MVK: variants seen among roughly 807,000 people sequenced by gnomAD.
The protein encoded by MVK is mevalonate kinase, also known as LH receptor mRNA-binding protein.
MVK carries 34 observed loss-of-function variants against 43.2 expected under a neutral mutation model. The ratio of observed to expected loss-of-function variants is 0.79; its 90% CI spans 0.60 to 1.05. The LOEUF (loss-of-function observed/expected upper bound fraction) is 1.05. Ranked by LOEUF, MVK falls within the 50% of genes least tolerant of loss-of-function variation. MVK has a pLI of 0.00. For missense variants in MVK, 395 were observed against 504.0 expected, an observed-to-expected ratio of 0.78 and a Z score of 2.07; for synonymous variants, 190 against 219.8, an observed-to-expected ratio of 0.86 and a Z score of 1.20.
chr12:109,594,491 C>T (rs1566152537), intron 9 of MVK, among the ~76,000 whole-genome samples: 2 of 152,178 alleles, frequency 1.3e-5, no homozygotes, highest in Admixed American at 6.5e-5. Context: ...CCATTTCAAC[C>T]AGACTTTTGT....
In MVK at chr12:109,596,511, C is replaced by G; in HGVS notation, c.1125C>G (p.Pro375=). 2 of 1,613,052 alleles carry G rather than the reference C, an allele frequency of 1.2e-6. No individual in the cohort carries two copies. Among genetic ancestry groups the G allele is most frequent in the Non-Finnish European group, 8.5e-7 (1 of 1,179,932 alleles). ...FDCLETSIGA[P]GVSIHSATSL... ...GCTTGGAAACCAGCATCGGTGCCCC[C>G]GGCGTCTCCATCCACTCAGCCACCT... The change falls in exon 11 of 11, where the codon CCC becomes CCG. Residue 375 remains proline (P), a synonymous_variant. Coordinates refer to ENST00000228510, the MANE Select transcript of MVK (RefSeq NM_000431.4).
chr12:109,577,088 G>T (rs1388341828), intron 3 of MVK, among the ~76,000 whole-genome samples: 1 of 152,120 alleles, frequency 6.6e-6, no homozygotes, highest in Non-Finnish European at 1.5e-5. Context: ...AGATATCTTG[G>T]TTTTTTAACC....
intron 3 of MVK, chr12:109,579,036 T>G (rs77466618): frequency 1.4e-4 from 40 of 289,960 alleles, no homozygotes; most frequent in African/African-American, 9.1e-4. Flanking sequence ...CTTTTGATTT[T>G]GGTTTTATAC....
intron 4 of MVK, among the ~76,000 whole-genome samples, chr12:109,580,945 T>C (rs372515986): frequency 6.6e-6 from 1 of 151,804 alleles, no homozygotes; most frequent in African/African-American, 2.4e-5. Flanking sequence ...AGGAGGGTCT[T>C]TGTGGGCAGC....
At position 109,586,761 on chromosome 12, in the gene MVK, C is replaced by T; in HGVS notation, c.639C>T (p.Ala213=). 1 of 1,614,146 alleles carries T rather than the reference C, an allele frequency of 6.2e-7. No homozygotes were observed. The highest frequency in any genetic ancestry group is 1.1e-5 in the South Asian group (1 of 91,072). Residue 213 remains alanine, a synonymous_variant, in exon 7 of 11, where the codon GCC becomes GCT. Coordinates refer to ENST00000228510, the MANE Select transcript of MVK (RefSeq NM_000431.4). The part of the protein sequence containing the change: ...VDNAVSTWGG[A]LRYHQGKISS... ...ACTGGTTTTTCTCTTTAGGAGGAGC[C>T]CTCCGATACCATCAAGGGAAGATTT...
chr12:109,575,936 G>A lies in MVK; in HGVS notation c.79-62G>A, dbSNP rs104895344. The A allele has an allele frequency of 2.6e-4, 418 of 1,597,460 alleles. No homozygotes were observed. The East Asian group carries it at 4.4e-3, about 17-fold the overall frequency. On this transcript the variant is annotated intron_variant, in intron 2 of 10. Transcript: ENST00000228510. ...CTTATGTTTGCTCTCTTCTTAGCAC[G>A]TGGGTCCTGGCCCCTTTGCCACTCA...
chr12:109,579,839 G>A lies in MVK; in HGVS notation c.264G>A (p.Val88=), dbSNP rs1885131923. Residue 88 remains valine, a synonymous_variant, in exon 4 of 11, where the codon GTG becomes GTA. Transcript: ENST00000228510. ...GDVTTPTSEQ[V]EKLKEVAGLP... ...TCACAACACCCACCTCAGAGCAAGT[G>A]GAGAAGCTAAAGGAGGTTGCAGGCT... The A allele has an allele frequency of 5.0e-6, 8 of 1,614,256 alleles. No homozygotes were observed. Among genetic ancestry groups the A allele is most frequent in the Non-Finnish European group, 6.8e-6 (8 of 1,180,052 alleles).
At chr12:109,586,349 A>G (rs1593022129) in intron 6 of MVK, among the ~76,000 whole-genome samples, 1 of 152,172 alleles carries the variant, frequency 6.6e-6, no homozygotes, top group African/African-American at 2.4e-5. Flanking sequence ...GGGAAGCTGC[A>G]GCTTCCACGA....
At position 109,585,796 on chromosome 12, in the gene MVK, C is replaced by T. The variant is rs141842576; in HGVS notation, c.528-226C>T. Among the ~76,000 whole-genome samples, 924 of 152,206 alleles carry T rather than the reference C, an allele frequency of 6.1e-3. 19 individuals carry two copies. The highest frequency in any genetic ancestry group is 0.021 in the African/African-American group (884 of 41,544). On this transcript the variant is annotated intron_variant, in intron 5 of 10. Coordinates refer to ENST00000228510, the MANE Select transcript of MVK (RefSeq NM_000431.4). ...AAAAAAAAGAGGCAAAGTAGGACCA[C>T]GGGAGTCCAAAGCCCAGGCTGTTTT...
intron 7 of MVK, 102 bp downstream of exon 7, chr12:109,586,901 C>T (rs1885459464): frequency 7.0e-7 from 1 of 1,431,316 alleles, no homozygotes. Flanking sequence ...GCAGGTGTCC[C>T]TGGCTCTTCA....
chr12:109,574,124 G>A (rs1884805569), intron 1 of MVK, among the ~76,000 whole-genome samples: 1 of 152,210 alleles, frequency 6.6e-6, no homozygotes, highest in African/African-American at 2.4e-5. Context: ...GAATCTTAGC[G>A]TAAGGTAATC....
chr12:109,574,156 G>A (rs987015404), intron 1 of MVK, among the ~76,000 whole-genome samples: 11 of 152,200 alleles, frequency 7.2e-5, no homozygotes, highest in Non-Finnish European at 1.0e-4. Flanking sequence ...TTAAGCGGAG[G>A]ATAATTTTGC....
upstream of MVK, chr12:109,573,532 CG>C: frequency 6.4e-7 from 1 of 1,559,978 alleles, no homozygotes; most frequent in South Asian, 1.2e-5. Flanking sequence ...GTCCAGTCCG[CG>C]GGGTGACTCC....
At chr12:109,587,167 TAC>T (rs370058459) in intron 7 of MVK, 27 of 310,088 alleles carry the variant, frequency 8.7e-5, no homozygotes, top group African/African-American at 5.8e-4. Context: ...GAAGCTTGGG[TAC>T]AGTTTCCAAG....
upstream of MVK, chr12:109,573,342 C>A (rs754533701): frequency 6.2e-7 from 1 of 1,613,296 alleles, no homozygotes; most frequent in Admixed American, 1.7e-5. Flanking sequence ...CCGCCAGCCA[C>A]TCACCTGTCC....
intron 5 of MVK, 64 bp from the exon 6 acceptor site, chr12:109,585,958 C>T (rs1179979061): frequency 5.8e-6 from 8 of 1,373,688 alleles, no homozygotes; most frequent in Non-Finnish European, 8.3e-6. Context: ...AGCACAGCCC[C>T]AGGTGACCCC....
At chr12:109,578,000 C>T (rs1885038667) in intron 3 of MVK, among the ~76,000 whole-genome samples, 1 of 152,162 alleles carries the variant, frequency 6.6e-6, no homozygotes. Context: ...ATGTCTCAGA[C>T]CACTCCAACT....
chr12:109,595,282 T>C lies in MVK; in HGVS notation c.1039+101T>C. On this transcript the variant is annotated intron_variant, in intron 10 of 10. Transcript: ENST00000228510. This position sits in a 1 kb window ranked among gnomAD's most constrained non-coding sequence, Gnocchi z 5.9. ...GGAAAAAGAGACCTGGAAACAGGTC[T>C]CAGCTCCGCTGTGTGGCCTTGGGCA... 1 of 1,480,850 alleles carries C rather than the reference T, an allele frequency of 6.8e-7. No homozygotes were observed. The highest frequency in any genetic ancestry group is 2.3e-5 in the East Asian group (1 of 43,380). 91.7% of individuals were successfully genotyped at this position (1,480,850 alleles called of 1,614,324 possible). A position where few individuals can be genotyped will look rare whatever the true frequency, so the allele number is the denominator to read the frequency against.
Position 109,591,223 on chromosome 12 carries a change from C to T in MVK, c.769-18C>T. On this transcript the variant is annotated intron_variant, in intron 8 of 10. Transcript: ENST00000228510. ...CTGCCCCCAGGCCTCACCAGCCGTT[C>T]CTTCTTTTTTTCTCCAGTTCCCAGA... The T allele has an allele frequency of 1.2e-6, 2 of 1,609,956 alleles. No homozygotes were observed. The highest frequency in any genetic ancestry group is 1.7e-6 in the Non-Finnish European group (2 of 1,176,404).
Sources: allele counts gnomAD v4.1 joint callset (sites outside exome capture counted in the v4.1 genomes callset), GRCh38; gene constraint gnomAD v4.1.1; non-coding constraint Gnocchi (gnomAD v3.1); transcripts MANE v1.5; gene names NCBI Gene and HGNC (gene_info 2026-07-23, HGNC 2026-07-21).